GRID2: variants seen among roughly 807,000 people sequenced by gnomAD.
GRID2 encodes the protein glutamate ionotropic receptor delta type subunit 2.
GRID2 carries 33 observed loss-of-function variants against 114.8 expected under a neutral mutation model. That is an observed-to-expected ratio of 0.29 (90% CI 0.22 to 0.38). The LOEUF is 0.38. GRID2 is among the 10% of genes least tolerant of loss of function. The probability of loss-of-function intolerance (pLI) is 1.00; values close to 1 mark genes in which losing one functional copy is unlikely to be tolerated. For synonymous variants in GRID2, 505 were observed against 449.9 expected (o/e 1.12, Z -1.55); for missense variants, 1,184 against 1,257.7 (o/e 0.94, Z 0.89).
chr4:92,315,993 CAAAAAAA>C (rs778361565), intron 1 of GRID2, among the ~76,000 whole-genome samples: 9 of 61,922 alleles, frequency 1.5e-4, no homozygotes, highest in Admixed American at 8.2e-4. Flanking sequence ...AAACAAAAAG[CAAAAAAA>C]AAAAAAAAAA....
At chr4:92,607,027 C>T (rs17019700) in intron 2 of GRID2, among the ~76,000 whole-genome samples, 100 of 152,088 alleles carry the variant, frequency 6.6e-4, no homozygotes, top group African/African-American at 2.4e-3. Context: ...GGCAGTAAGT[C>T]TGAGCAGAAA....
chr4:93,110,101 A>T (rs1269542932), intron 3 of GRID2, among the ~76,000 whole-genome samples: 2 of 152,172 alleles, frequency 1.3e-5, no homozygotes, highest in Non-Finnish European at 2.9e-5. Context: ...TATGTTTTGC[A>T]CATTAAGTAT....
chr4:92,309,099 CT>C (rs1725567179), intron 1 of GRID2, among the ~76,000 whole-genome samples: 1 of 151,884 alleles, frequency 6.6e-6, no homozygotes, highest in African/African-American at 2.4e-5. Flanking sequence ...CACTAAATAT[CT>C]GTTATAAATT....
At chr4:93,300,738 T>A (rs1311756781) in intron 8 of GRID2, among the ~76,000 whole-genome samples, 1 of 152,118 alleles carries the variant, frequency 6.6e-6, no homozygotes, top group African/African-American at 2.4e-5. Flanking sequence ...GCTGGGAGCA[T>A]TGGCAAGCTA....
chr4:93,550,019 A>G (rs2149541072), intron 13 of GRID2, among the ~76,000 whole-genome samples: 1 of 152,306 alleles, frequency 6.6e-6, no homozygotes, highest in African/African-American at 2.4e-5. Flanking sequence ...CTGTAAGAAT[A>G]TAATGAGGAA....
At chr4:93,542,817 C>T (rs555136748) in intron 13 of GRID2, among the ~76,000 whole-genome samples, 3 of 152,234 alleles carry the variant, frequency 2.0e-5, no homozygotes, top group East Asian at 1.9e-4. Context: ...CGACCATTTT[C>T]CTTCTTCTGG....
chr4:93,164,615 A>G (rs1408819125), intron 4 of GRID2: 2 of 274,480 alleles, frequency 7.3e-6, no homozygotes, highest in East Asian at 1.6e-4. Flanking sequence ...TTGACTTTTA[A>G]TAGTATCAAA....
chr4:93,194,427 T>C (rs956340253), intron 4 of GRID2, among the ~76,000 whole-genome samples: 1 of 152,138 alleles, frequency 6.6e-6, no homozygotes, highest in Non-Finnish European at 1.5e-5. Flanking sequence ...GGCTTGAAAA[T>C]ATAGTATTTT....
intron 2 of GRID2, among the ~76,000 whole-genome samples, chr4:92,785,441 C>T (rs1020566523): frequency 7.3e-5 from 11 of 150,618 alleles, no homozygotes; most frequent in Middle Eastern, 3.3e-3. Context: ...TAGTTTTTTC[C>T]AAGATACGTT....
intron 4 of GRID2, among the ~76,000 whole-genome samples, chr4:93,159,980 T>A (rs1737537429): frequency 6.6e-6 from 1 of 151,822 alleles, no homozygotes; most frequent in South Asian, 2.1e-4. Context: ...CACTCACATC[T>A]CAGTTGTTAT....
chr4:93,146,861 A>C (rs183382475), intron 4 of GRID2, among the ~76,000 whole-genome samples: 1 of 152,300 alleles, frequency 6.6e-6, no homozygotes, highest in Non-Finnish European at 1.5e-5. Context: ...TTGCTCACTT[A>C]AAAAATATTG....
intron 2 of GRID2, among the ~76,000 whole-genome samples, chr4:92,811,659 AT>A (rs1401949008): frequency 2.0e-5 from 3 of 151,958 alleles, no homozygotes. Flanking sequence ...GACCTATATG[AT>A]TTTTTTCTTC....
intron 2 of GRID2, among the ~76,000 whole-genome samples, chr4:92,797,785 ACT>A (rs968197005): frequency 6.6e-6 from 1 of 151,892 alleles, no homozygotes; most frequent in Non-Finnish European, 1.5e-5. Context: ...TATTGAAAAA[ACT>A]CTGTGCACAG....
chr4:93,592,543 G>A (rs1193031850), intron 13 of GRID2, among the ~76,000 whole-genome samples: 5 of 152,090 alleles, frequency 3.3e-5, no homozygotes, highest in Non-Finnish European at 5.9e-5. Context: ...GTTGATTTGG[G>A]GTGGAGAGTT....
At chr4:92,419,967 T>C (rs951009288) in intron 1 of GRID2, among the ~76,000 whole-genome samples, 1 of 152,110 alleles carries the variant, frequency 6.6e-6, no homozygotes, top group Non-Finnish European at 1.5e-5. Context: ...CATCAAAGTT[T>C]CTTAGTCATT....
At chr4:92,360,523 T>C (rs1261021917) in intron 1 of GRID2, among the ~76,000 whole-genome samples, 1 of 151,970 alleles carries the variant, frequency 6.6e-6, no homozygotes, top group East Asian at 1.9e-4. Context: ...CCTAAAAAAA[T>C]TCATAGTCTG....
At chr4:92,843,908 A>G (rs1014426253) in intron 2 of GRID2, among the ~76,000 whole-genome samples, 1 of 152,172 alleles carries the variant, frequency 6.6e-6, no homozygotes, top group Non-Finnish European at 1.5e-5. Flanking sequence ...ATATTTACTC[A>G]TGAATGATTT....
At chr4:93,512,997 T>C (rs1729345519) in intron 12 of GRID2, among the ~76,000 whole-genome samples, 1 of 152,030 alleles carries the variant, frequency 6.6e-6, no homozygotes, top group Admixed American at 6.6e-5. Flanking sequence ...ATGAAGGCAC[T>C]GAAAAAAAAA....
chr4:92,695,453 A>G (rs1386853436), intron 2 of GRID2, among the ~76,000 whole-genome samples: 1 of 152,182 alleles, frequency 6.6e-6, no homozygotes, highest in Non-Finnish European at 1.5e-5. Flanking sequence ...AATGAAAATG[A>G]AAGAAATTCA....
Sources: allele counts gnomAD v4.1 joint callset (sites outside exome capture counted in the v4.1 genomes callset), GRCh38; gene constraint gnomAD v4.1.1; transcripts MANE v1.5; gene names NCBI Gene and HGNC (gene_info 2026-07-23, HGNC 2026-07-21).